Variants in CEP55 observed in about 807,000 individuals in gnomAD.
The protein encoded by CEP55 is centrosomal protein of 55 kDa.
CEP55 carries 57 observed loss-of-function variants against 63.2 expected under a neutral mutation model. That is an observed-to-expected ratio of 0.90 (90% CI 0.73 to 1.13). The LOEUF (loss-of-function observed/expected upper bound fraction) is 1.13, where lower values mean the gene tolerates loss of function less well. Ranked by LOEUF, CEP55 falls within the 50% of genes most tolerant of loss-of-function variation. The probability of loss-of-function intolerance (pLI) is 0.00; values close to 1 mark genes in which losing one functional copy is unlikely to be tolerated. For synonymous variants in CEP55, 178 were observed against 191.6 expected (o/e 0.93, Z 0.59); for missense variants, 456 against 518.9 (o/e 0.88, Z 1.18).
rs750199632 is a variant in CEP55 at position 93,500,252 on chromosome 10, C to A, written c.183+18C>A. 6.3e-7 allele frequency: 1 copy of A among 1,584,786 alleles called. No individual in the cohort carries two copies. The highest frequency in any genetic ancestry group is 8.6e-7 in the Non-Finnish European group (1 of 1,165,944). On this transcript the variant is annotated intron_variant, in intron 2 of 8. Coordinates refer to ENST00000371485, the MANE Select transcript of CEP55 (RefSeq NM_018131.5). ...TTTTGGAGGTAAATGGTCTTCTGAT[C>A]CTTTAAATTGTAAGCTCTCCAAGAA...
At chr10:93,503,953 C>G (rs1490241111) in intron 3 of CEP55, among the ~76,000 whole-genome samples, 1 of 151,728 alleles carries the variant, frequency 6.6e-6, no homozygotes, top group Non-Finnish European at 1.5e-5. Flanking sequence ...TCTCCAGACC[C>G]CTGTTCTAAA....
chr10:93,524,025 A>G (rs1358196561), intron 8 of CEP55, among the ~76,000 whole-genome samples: 2 of 152,204 alleles, frequency 1.3e-5, no homozygotes, highest in African/African-American at 2.4e-5. Context: ...TCACAATTAA[A>G]AGAACTAGAG....
At chr10:93,520,876 A>G (rs1157364525) in intron 8 of CEP55, among the ~76,000 whole-genome samples, 1 of 152,220 alleles carries the variant, frequency 6.6e-6, no homozygotes, top group Non-Finnish European at 1.5e-5. Flanking sequence ...GATTTTACCC[A>G]TTTATAATAT....
intron 1 of CEP55, among the ~76,000 whole-genome samples, chr10:93,498,594 A>G (rs903331423): frequency 1.3e-5 from 2 of 152,204 alleles, no homozygotes; most frequent in Admixed American, 1.3e-4. Context: ...CACAGTTCTA[A>G]TATGTTTAGA....
chr10:93,524,641 G>C (rs561704358), intron 8 of CEP55, among the ~76,000 whole-genome samples: 2 of 152,200 alleles, frequency 1.3e-5, no homozygotes, highest in East Asian at 3.9e-4. Context: ...AACAAAAAAA[G>C]AGAATTTTAG....
intron 8 of CEP55, among the ~76,000 whole-genome samples, chr10:93,522,830 G>C (rs1307454902): frequency 6.6e-6 from 1 of 152,146 alleles, no homozygotes; most frequent in East Asian, 1.9e-4. Flanking sequence ...TTCATATCCA[G>C]CCAGAGTAAG....
intron 4 of CEP55, among the ~76,000 whole-genome samples, chr10:93,514,323 C>A (rs980169568): frequency 3.9e-5 from 6 of 152,140 alleles, no homozygotes; most frequent in African/African-American, 1.2e-4. Context: ...AAGTATGAAA[C>A]CCCTATACAA....
In CEP55 at chr10:93,507,039, GA is replaced by G; in HGVS notation, c.514del (p.Ile172TyrfsTer3). 1.3e-6 allele frequency: 2 copies of G among 1,570,284 alleles called. No homozygotes were observed. Among genetic ancestry groups the G allele is most frequent in the Non-Finnish European group, 1.8e-6 (2 of 1,141,276 alleles). ...NSSINNIHEM[E>X]IQLKDALEKN... ...ATCAATAAATAATATTCATGAAATG[GA>G]AATACAGCTGAAAGATGTAAGTTCA... is the stretch of plus-strand genomic sequence containing the variant. On this transcript the variant is annotated frameshift_variant, in exon 4 of 9. Transcript: ENST00000371485. LOFTEE classifies it high-confidence loss of function.
At chr10:93,514,517 A>G (rs914933931) in intron 4 of CEP55, among the ~76,000 whole-genome samples, 3 of 152,220 alleles carry the variant, frequency 2.0e-5, no homozygotes, top group African/African-American at 7.2e-5. Flanking sequence ...AAAAGGAAGT[A>G]GTTATGCCAG....
intron 8 of CEP55, among the ~76,000 whole-genome samples, chr10:93,527,247 T>C (rs941267170): frequency 2.0e-5 from 3 of 152,198 alleles, no homozygotes; most frequent in African/African-American, 7.2e-5. Flanking sequence ...CATTTCTGTG[T>C]ATAAGCTGTT....
rs772679430 is a variant in CEP55 at position 93,500,216 on chromosome 10, G to C, written c.165G>C (p.Glu55Asp). ...TSGKGKLTDK[E>D]RHRLLEKIRV... The stretch of plus-strand genomic sequence containing the variant: ...GGAAAGGAAAGCTGACTGATAAAGA[G>C]AGACACAGACTTTTGGAGGTAAATG... The change falls in exon 2 of 9, where the codon GAG (glutamate) becomes GAC (aspartate). Residue 55 changes from glutamate (E) to aspartate (D), a missense_variant. By Grantham distance (45) the Glu-to-Asp change is conservative. Coordinates refer to ENST00000371485, the MANE Select transcript of CEP55 (RefSeq NM_018131.5). The C allele has an allele frequency of 2.5e-6, 4 of 1,611,786 alleles. No individual in the cohort carries two copies. Among genetic ancestry groups the C allele is most frequent in the South Asian group, 2.2e-5 (2 of 90,622 alleles).
intron 4 of CEP55, among the ~76,000 whole-genome samples, chr10:93,509,046 T>A (rs1159596624): frequency 6.6e-6 from 1 of 152,220 alleles, no homozygotes; most frequent in Non-Finnish European, 1.5e-5. Context: ...TTCTTGAATT[T>A]TACTGGTGTC....
At chr10:93,506,907 T>C (rs934969355) in intron 3 of CEP55, 81 bp from the exon 4 acceptor site, 3 of 907,854 alleles carry the variant, frequency 3.3e-6, no homozygotes, top group African/African-American at 3.3e-5. Flanking sequence ...CCGTGAGTTA[T>C]ACTGTATTAT....
chr10:93,499,518 C>CTT (rs528933732), intron 1 of CEP55, among the ~76,000 whole-genome samples: 72 of 120,608 alleles, frequency 6.0e-4, no homozygotes, highest in East Asian at 9.2e-4. Context: ...TACAAGTTGA[C>CTT]TTTTTTTTTT....
intron 3 of CEP55, among the ~76,000 whole-genome samples, chr10:93,504,355 C>T (rs943052405): frequency 1.3e-5 from 2 of 152,076 alleles, no homozygotes; most frequent in African/African-American, 2.4e-5. Context: ...CATCTGTAAT[C>T]CCAGCTATTC....
intron 2 of CEP55, among the ~76,000 whole-genome samples, chr10:93,502,055 T>G (rs1443002572): frequency 1.3e-5 from 2 of 152,234 alleles, no homozygotes; most frequent in Non-Finnish European, 2.9e-5. Context: ...TTATTAGATA[T>G]GTAAGGAAAT....
intron 8 of CEP55, among the ~76,000 whole-genome samples, chr10:93,522,606 G>A (rs938605011): frequency 6.6e-6 from 1 of 152,070 alleles, no homozygotes; most frequent in South Asian, 2.1e-4. Context: ...GATACTCCTC[G>A]AGAAGAGCAA....
chr10:93,506,666 C>A (rs1030684210), intron 3 of CEP55, among the ~76,000 whole-genome samples: 1 of 152,122 alleles, frequency 6.6e-6, no homozygotes, highest in African/African-American at 2.4e-5. Context: ...CTCCCGGGTT[C>A]AAGTGATTCT....
chr10:93,528,501 GT>G lies in CEP55; in HGVS notation c.*352del, dbSNP rs3834415. 131,187 of 199,626 alleles carry G rather than the reference GT, an allele frequency of 0.66. 46,803 individuals are homozygous for G. The highest frequency in any genetic ancestry group is 0.77 in the Non-Finnish European group (75,867 of 98,636). The allele number at this position is 199,626 out of a possible 1,614,324, so 12.4% of individuals were successfully genotyped here. The stretch of plus-strand genomic sequence containing the variant: ...AAGCAAAATATTTTATGTTTTGGGG[GT>G]TTTGAAAAATCAAAGATAATTAACC... On this transcript the variant is annotated 3_prime_UTR_variant, in exon 9 of 9. Transcript: ENST00000371485.
Sources: gnomAD v4.1 joint callset for allele counts (sites outside exome capture counted in the v4.1 genomes callset) on GRCh38, gnomAD v4.1.1 for gene constraint, MANE v1.5 for transcripts, NCBI Gene and HGNC (gene_info 2026-07-23, HGNC 2026-07-21) for gene names.